Variants in ANKRD7 observed in about 807,000 individuals in gnomAD.
ANKRD7 encodes the protein ankyrin repeat domain-containing protein 7.
Under a neutral mutation model 30.8 loss-of-function variants are expected in ANKRD7, and 30 were observed. The ratio of observed to expected loss-of-function variants is 0.97; its 90% CI spans 0.73 to 1.32. ANKRD7 has a LOEUF of 1.32. Ranked by LOEUF, ANKRD7 falls within the 40% of genes most tolerant of loss-of-function variation. The probability of loss-of-function intolerance (pLI) is 0.00; values close to 1 mark genes in which losing one functional copy is unlikely to be tolerated. For synonymous variants in ANKRD7, 97 were observed against 106.6 expected (o/e 0.91, Z 0.55); for missense variants, 264 against 295.7 (o/e 0.89, Z 0.79).
In ANKRD7 at chr7:118,236,917, G is replaced by A; in HGVS notation, c.703G>A (p.Val235Ile). The change falls in exon 5 of 7, where the codon GTT (valine) becomes ATT (isoleucine). Residue 235 changes from valine (V) to isoleucine (I), a missense_variant. Coordinates refer to ENST00000265224, the MANE Select transcript of ANKRD7 (RefSeq NM_019644.4). ...GCTGAGGAATATGTTTATTTCCATG[G>A]TTTTACTGCGTAAGTGATACTGCAT... ...SQLRNMFISM[V>I]LLHRYPQFTA... The A allele has an allele frequency of 6.2e-7, 1 of 1,613,730 alleles. No individual in the cohort carries two copies. Among genetic ancestry groups the A allele is most frequent in the Admixed American group, 1.7e-5 (1 of 59,990 alleles).
Position 118,230,388 on chromosome 7 carries a change from A to G in ANKRD7, c.180-4043A>G, listed in dbSNP as rs192747377. ...GTTCAGCAGAAGCACAGCATTATGC[A>G]AGATACCCATGTAACAAACCTGCAT... On this transcript the variant is annotated intron_variant, in intron 1 of 6. Coordinates refer to ENST00000265224, the MANE Select transcript of ANKRD7 (RefSeq NM_019644.4). 2.2e-3 allele frequency among the ~76,000 whole-genome samples: 339 copies of G among 152,070 alleles called. 1 individual carries two copies. The highest frequency in any genetic ancestry group is 7.5e-3 in the African/African-American group (313 of 41,518).
At chr7:118,225,075 G>T in intron 1 of ANKRD7, 66 bp downstream of exon 1, 2 of 1,558,034 alleles carry the variant, frequency 1.3e-6, no homozygotes, top group South Asian at 2.3e-5. Flanking sequence ...CCAGAAATAA[G>T]ACAAGTGGGG....
In ANKRD7 at chr7:118,238,222, C is replaced by G. The variant is rs559163364; in HGVS notation, c.712+1296C>G. 2.0e-5 allele frequency among the ~76,000 whole-genome samples: 3 copies of G among 152,160 alleles called. No individual in the cohort carries two copies. In the South Asian group the frequency reaches 6.2e-4, roughly 32 times the overall value. ...TTGCTCCATCATTAATTTTAAAATA[C>G]AAACATATTGACCATGAAGTTTTTG... On this transcript the variant is annotated intron_variant, in intron 5 of 6. Transcript: ENST00000265224.
At chr7:118,226,165 T>A (rs1437113415) in intron 1 of ANKRD7, among the ~76,000 whole-genome samples, 1 of 152,226 alleles carries the variant, frequency 6.6e-6, no homozygotes, top group Non-Finnish European at 1.5e-5. Context: ...ACTCCCCAGA[T>A]AGCTTCATAC....
intron 6 of ANKRD7, among the ~76,000 whole-genome samples, chr7:118,241,412 G>C (rs539609951): frequency 2.0e-5 from 3 of 147,928 alleles, no homozygotes; most frequent in Admixed American, 6.8e-5. Context: ...AACTATTCAA[G>C]CCCTCTCCAT....
At chr7:118,228,054 T>TGTCA in intron 1 of ANKRD7, 1 of 1,290,290 alleles carries the variant, frequency 7.8e-7, no homozygotes, top group Non-Finnish European at 1.0e-6. Flanking sequence ...CTTGCTGGCC[T>TGTCA]GTCAGCAAAG....
chr7:118,241,534 T>TGA (rs1809844537), intron 6 of ANKRD7, among the ~76,000 whole-genome samples: 1 of 130,964 alleles, frequency 7.6e-6, no homozygotes, highest in Non-Finnish European at 1.7e-5. Context: ...TTTTTTTTTT[T>TGA]TTTTTTTTTT....
intron 1 of ANKRD7, among the ~76,000 whole-genome samples, chr7:118,228,802 C>T (rs138136343): frequency 6.6e-6 from 1 of 152,278 alleles, no homozygotes; most frequent in Admixed American, 6.5e-5. Flanking sequence ...TTTATAAGTA[C>T]TACCATAGTC....
At chr7:118,232,791 G>C (rs1333289142) in intron 1 of ANKRD7, among the ~76,000 whole-genome samples, 4 of 151,836 alleles carry the variant, frequency 2.6e-5, no homozygotes, top group African/African-American at 9.7e-5. Flanking sequence ...ATTGGAGTTG[G>C]AGGGAGAGGC....
At chr7:118,226,922 T>C (rs1809553310) in intron 1 of ANKRD7, among the ~76,000 whole-genome samples, 1 of 152,210 alleles carries the variant, frequency 6.6e-6, no homozygotes, top group Non-Finnish European at 1.5e-5. Flanking sequence ...TTGCATCTTG[T>C]GTTTTATCTA....
In ANKRD7 at chr7:118,224,897, G is replaced by A. The variant is rs1809513664; in HGVS notation, c.67G>A (p.Glu23Lys). The change falls in exon 1 of 7, where the codon GAA (glutamate) becomes AAA (lysine). Residue 23 changes from glutamate (E) to lysine (K), a missense_variant. Transcript: ENST00000265224. ...CCGCAGCCAGGGCTACAACCTTCGAGAAAAGGATTTAAAGAAACTTCACAG... is the reference window on the plus strand; with the variant it reads ...CCGCAGCCAGGGCTACAACCTTCGAAAAAAGGATTTAAAGAAACTTCACAG... ...ETRSQGYNLR[E>K]KDLKKLHRAA... 5 of 1,614,076 alleles carry A rather than the reference G, an allele frequency of 3.1e-6. No individual in the cohort carries two copies. The highest frequency in any genetic ancestry group is 4.2e-6 in the Non-Finnish European group (5 of 1,180,048).
intron 5 of ANKRD7, among the ~76,000 whole-genome samples, chr7:118,238,855 A>G (rs944294626): frequency 2.6e-5 from 4 of 152,146 alleles, no homozygotes; most frequent in Non-Finnish European, 5.9e-5. Context: ...CTGTGGGCTG[A>G]ATTTCCCCCT....
intron 5 of ANKRD7, among the ~76,000 whole-genome samples, chr7:118,238,753 A>T (rs1430961042): frequency 6.6e-6 from 1 of 152,110 alleles, no homozygotes; most frequent in African/African-American, 2.4e-5. Context: ...CTTTTCTGTC[A>T]TGGAGCAAAA....
chr7:118,229,454 T>C (rs543908995), intron 1 of ANKRD7, among the ~76,000 whole-genome samples: 1 of 152,290 alleles, frequency 6.6e-6, no homozygotes, highest in South Asian at 2.1e-4. Flanking sequence ...TTTGCTGATA[T>C]ATCCTCATCA....
rs551781543 is a variant in ANKRD7, at chr7:118,234,349, A to G, written c.180-82A>G. The G allele has an allele frequency of 2.5e-4, 200 of 785,238 alleles. 4 individuals carry two copies. In the South Asian group the frequency reaches 3.5e-3, roughly 14 times the overall value. The allele number at this position is 785,238 out of a possible 1,614,324, so 48.6% of individuals were successfully genotyped here. A position where few individuals can be genotyped will look rare whatever the true frequency, so the allele number is the denominator to read the frequency against. On this transcript the variant is annotated intron_variant, in intron 1 of 6. Coordinates refer to ENST00000265224, the MANE Select transcript of ANKRD7 (RefSeq NM_019644.4). Reference sequence around the variant, plus strand: ...GAAGCAAGTACCTTACCAATGTACAATCTGGCTTGTTTTTGGGTAAAACAA... The same window carrying G: ...GAAGCAAGTACCTTACCAATGTACAGTCTGGCTTGTTTTTGGGTAAAACAA...
At chr7:118,230,431 A>T (rs201488786) in intron 1 of ANKRD7, among the ~76,000 whole-genome samples, 1 of 149,390 alleles carries the variant, frequency 6.7e-6, no homozygotes, top group South Asian at 2.1e-4. Context: ...CCCCGAATCT[A>T]AAAAAAAAGG....
chr7:118,227,149 G>A (rs1396565498), intron 1 of ANKRD7, among the ~76,000 whole-genome samples: 1 of 151,870 alleles, frequency 6.6e-6, no homozygotes, highest in East Asian at 1.9e-4. Context: ...AACTTCTACA[G>A]ATTTTTTTTT....
At chr7:118,240,215 G>C (rs1314285383) in intron 6 of ANKRD7, among the ~76,000 whole-genome samples, 15 of 151,658 alleles carry the variant, frequency 9.9e-5, no homozygotes, top group Admixed American at 9.9e-4. Flanking sequence ...ACATTGTGCA[G>C]GTTAGTTACA....
At chr7:118,241,160 CAAAAAAAAAAA>C (rs60703234) in intron 6 of ANKRD7, among the ~76,000 whole-genome samples, 11 of 21,848 alleles carry the variant, frequency 5.0e-4, no homozygotes, top group Non-Finnish European at 1.3e-3. Flanking sequence ...GACTCCGTCT[CAAAAAAAAAAA>C]AAAAAAAAAA....
Sources: allele counts gnomAD v4.1 joint callset (sites outside exome capture counted in the v4.1 genomes callset), GRCh38; gene constraint gnomAD v4.1.1; transcripts MANE v1.5; gene names NCBI Gene and HGNC (gene_info 2026-07-23, HGNC 2026-07-21).